FNDC3A: variants seen among roughly 807,000 people sequenced by gnomAD.
The protein encoded by FNDC3A is fibronectin type III domain containing 3A.
A neutral mutation model predicts 148.9 loss-of-function variants in FNDC3A; 32 were observed. The observed-to-expected ratio is 0.21, with a 90% confidence interval of 0.16 to 0.29. The LOEUF (loss-of-function observed/expected upper bound fraction) is 0.29, where lower values mean the gene tolerates loss of function less well. Ranked by LOEUF, FNDC3A falls within the 10% of genes least tolerant of loss-of-function variation. The probability of loss-of-function intolerance (pLI) is 1.00; values close to 1 mark genes in which losing one functional copy is unlikely to be tolerated. For synonymous variants in FNDC3A, 472 were observed against 473.6 expected (o/e 1.00, Z 0.04); for missense variants, 1,191 against 1,452.8 (o/e 0.82, Z 2.93).
At chr13:49,200,741 A>G (rs1003986565) in intron 23 of FNDC3A, among the ~76,000 whole-genome samples, 1 of 152,112 alleles carries the variant, frequency 6.6e-6, no homozygotes, top group African/African-American at 2.4e-5. Flanking sequence ...AAATAAAGAA[A>G]TTAAAACCTT....
chr13:49,192,104 C>T (rs1885916826), intron 19 of FNDC3A, among the ~76,000 whole-genome samples: 3 of 152,066 alleles, frequency 2.0e-5, no homozygotes, highest in African/African-American at 7.2e-5. Context: ...AAGCAGGTTC[C>T]CTAAGGACAA....
At chr13:49,083,442 G>T (rs1483779883) in intron 3 of FNDC3A, among the ~76,000 whole-genome samples, 3 of 152,128 alleles carry the variant, frequency 2.0e-5, no homozygotes, top group Admixed American at 2.0e-4. Context: ...TTCAAAAATA[G>T]AAATGCAAGT....
At chr13:48,980,530 C>T (rs988480593) in intron 1 of FNDC3A, among the ~76,000 whole-genome samples, 1 of 151,996 alleles carries the variant, frequency 6.6e-6, no homozygotes, top group Non-Finnish European at 1.5e-5. Flanking sequence ...CATTAAGGCA[C>T]GGAAGAAAGA....
chr13:49,006,297 A>C lies in FNDC3A; in HGVS notation c.99+8A>C. The stretch of plus-strand genomic sequence containing the variant: ...GCAGATGGAACACAACAGGTAAGAA[A>C]ACTGAAATGTTTATTTCTTTATGTC... On this transcript the variant is annotated splice_region_variant and intron_variant, in intron 2 of 25. Coordinates refer to ENST00000492622, the MANE Select transcript of FNDC3A (RefSeq NM_001079673.2). 6.6e-7 allele frequency: 1 copy of C among 1,513,956 alleles called. No individual in the cohort carries two copies. The highest frequency in any genetic ancestry group is 1.1e-5 in the South Asian group (1 of 88,186). The allele number at this position is 1,513,956 out of a possible 1,614,324, so 93.8% of individuals were successfully genotyped here. A position where few individuals can be genotyped will look rare whatever the true frequency, so the allele number is the denominator to read the frequency against.
At chr13:48,988,515 TA>T (rs1182083435) in intron 1 of FNDC3A, among the ~76,000 whole-genome samples, 2 of 152,170 alleles carry the variant, frequency 1.3e-5, no homozygotes, top group African/African-American at 4.8e-5. Flanking sequence ...ATGAGAATGA[TA>T]AAAGCCATAA....
intron 1 of FNDC3A, among the ~76,000 whole-genome samples, chr13:48,979,360 G>A (rs930220729): frequency 4.6e-5 from 7 of 152,176 alleles, no homozygotes; most frequent in African/African-American, 1.7e-4. Context: ...GGGAAGTGAA[G>A]CCAGTGAGAG....
At position 49,199,516 on chromosome 13, in the gene FNDC3A, C is replaced by T. The variant is rs1438350875; in HGVS notation, c.2987+942C>T. The stretch of plus-strand genomic sequence containing the variant: ...CTAATTTTTTGTATTTTAGTAGAGG[C>T]GGAGTTTCACCATGTTGGCCAGGAT... On this transcript the variant is annotated intron_variant, in intron 23 of 25. Transcript: ENST00000492622. Among the ~76,000 whole-genome samples the T allele has an allele frequency of 3.9e-5, 6 of 151,998 alleles. No homozygotes were observed. In the South Asian group the frequency reaches 6.2e-4, roughly 16 times the overall value.
chr13:49,110,555 G>C, intron 3 of FNDC3A: 1 of 657,344 alleles, frequency 1.5e-6, no homozygotes. Context: ...AATACAAAAA[G>C]GTTAGACTAT....
intron 2 of FNDC3A, among the ~76,000 whole-genome samples, chr13:49,017,745 G>T (rs1796461312): frequency 6.6e-6 from 1 of 151,954 alleles, no homozygotes; most frequent in African/African-American, 2.4e-5. Flanking sequence ...GGTCCTGGTT[G>T]TTCCTTTCCA....
intron 3 of FNDC3A, among the ~76,000 whole-genome samples, chr13:49,098,934 G>C (rs1593587402): frequency 6.6e-6 from 1 of 152,152 alleles, no homozygotes. Context: ...TCCTTATTCT[G>C]TTCCCAAGTT....
rs757353060 is a variant in FNDC3A at position 49,175,449 on chromosome 13, A to G, written c.1438A>G (p.Ile480Val). ...AAGTCCTGTATTAACCAAGGCTGGAATTACTTGGTTATCCTTACAATGGAG... is the reference window on the plus strand; with the variant it reads ...AAGTCCTGTATTAACCAAGGCTGGAGTTACTTGGTTATCCTTACAATGGAG... The part of the protein sequence containing the change: ...PASPVLTKAG[I>V]TWLSLQWSKP... The change falls in exon 13 of 26, where the codon ATT (isoleucine) becomes GTT (valine). Residue 480 changes from isoleucine (I) to valine (V), a missense_variant. By Grantham distance (29) the Ile-to-Val change is conservative. This residue lies in a region of FNDC3A where 751 missense variants were observed against 944.0 expected (regional missense o/e 0.80). Transcript: ENST00000492622. The G allele has an allele frequency of 1.9e-6, 3 of 1,612,026 alleles. No homozygotes were observed. The Admixed American group carries it at 5.0e-5, about 27-fold the overall frequency.
chr13:49,183,685 T>C (rs2138084781), intron 14 of FNDC3A, among the ~76,000 whole-genome samples: 2 of 152,314 alleles, frequency 1.3e-5, no homozygotes, highest in Middle Eastern at 3.4e-3. Flanking sequence ...ATTTGTAGTC[T>C]CATTTATAAA....
intron 16 of FNDC3A, chr13:49,187,741 C>T: frequency 3.3e-6 from 3 of 902,426 alleles, no homozygotes; most frequent in South Asian, 1.7e-5. Context: ...TCACCAAGAC[C>T]TTTTTTTTTT....
chr13:49,171,930 C>A, intron 10 of FNDC3A, 113 bp from the exon 11 acceptor site: 1 of 697,242 alleles, frequency 1.4e-6, no homozygotes, highest in Non-Finnish European at 2.4e-6. Context: ...TTTCGCAGGA[C>A]CAAGTCACAG....
intron 2 of FNDC3A, among the ~76,000 whole-genome samples, chr13:49,023,902 T>C (rs1442862985): frequency 6.6e-6 from 1 of 151,936 alleles, no homozygotes; most frequent in Non-Finnish European, 1.5e-5. Context: ...TTTCAACTCA[T>C]AACGTTCTCC....
At chr13:49,155,485 A>G (rs1222038998) in intron 8 of FNDC3A, among the ~76,000 whole-genome samples, 5 of 143,708 alleles carry the variant, frequency 3.5e-5, no homozygotes, top group Non-Finnish European at 7.6e-5. Context: ...TGGATTCATT[A>G]ATTTTTTGAA....
At chr13:48,982,252 A>AT (rs953966828) in intron 1 of FNDC3A, among the ~76,000 whole-genome samples, 5 of 151,766 alleles carry the variant, frequency 3.3e-5, no homozygotes, top group African/African-American at 7.3e-5. Flanking sequence ...AATTTTCTAA[A>AT]TTTTTTTTGT....
At chr13:49,163,779 G>A (rs1884304888) in intron 8 of FNDC3A, among the ~76,000 whole-genome samples, 1 of 152,194 alleles carries the variant, frequency 6.6e-6, no homozygotes, top group Non-Finnish European at 1.5e-5. Flanking sequence ...GCCTCCTTAA[G>A]TAGAAAGTTT....
At chr13:49,036,502 T>C (rs1397416423) in intron 2 of FNDC3A, among the ~76,000 whole-genome samples, 1 of 152,150 alleles carries the variant, frequency 6.6e-6, no homozygotes, top group African/African-American at 2.4e-5. Flanking sequence ...CATTTGGAGA[T>C]GGATGGTAGT....
Sources: gnomAD v4.1 joint callset for allele counts (sites outside exome capture counted in the v4.1 genomes callset) on GRCh38, gnomAD v4.1.1 for gene constraint, gnomAD v4.1.1 regional missense constraint, MANE v1.5 for transcripts, NCBI Gene and HGNC (gene_info 2026-07-23, HGNC 2026-07-21) for gene names.